Variants in CXADR observed in about 807,000 individuals in gnomAD.
The protein encoded by CXADR is coxsackievirus and adenovirus receptor.
CXADR carries 20 observed loss-of-function variants against 40.3 expected under a neutral mutation model. The observed-to-expected ratio is 0.50, with a 90% CI of 0.35 to 0.72. CXADR has a LOEUF of 0.72. CXADR is among the 30% of genes least tolerant of loss of function. CXADR has a pLI of 0.01. For missense variants in CXADR, 332 were observed against 449.1 expected (o/e 0.74, Z 2.36); for synonymous variants, 150 against 161.3 (o/e 0.93, Z 0.53).
intron 3 of CXADR, among the ~76,000 whole-genome samples, chr21:17,553,455 TGTG>T (rs2060995063): frequency 6.6e-6 from 1 of 152,172 alleles, no homozygotes; most frequent in African/African-American, 2.4e-5. Flanking sequence ...AAATGTTTCT[TGTG>T]GTGTGAAAGT....
chr21:17,594,228 A>G (rs200170210), downstream of CXADR: 53 of 1,613,396 alleles, frequency 3.3e-5, no homozygotes, highest in East Asian at 1.2e-3. Flanking sequence ...CAAATGGAAC[A>G]GGAGGAGGAT....
Position 17,568,786 on chromosome 21 carries a change from T to A in CXADR, c.*3094T>A. ...ATTCCCTTGTTAGAGAGCCTCTCAC[T>A]CCCCCACCCCCAAAAATGTCTACTA... On this transcript the variant is annotated 3_prime_UTR_variant, in exon 7 of 7. Transcript: ENST00000284878. The A allele has an allele frequency of 1.0e-6, 1 of 985,132 alleles. No homozygotes were observed. Among genetic ancestry groups the A allele is most frequent in the Non-Finnish European group, 1.2e-6 (1 of 829,892 alleles). The allele number at this position is 985,132 out of a possible 1,614,324, so 61.0% of individuals were successfully genotyped here. A position where few individuals can be genotyped will look rare whatever the true frequency, so the allele number is the denominator to read the frequency against.
rs1400923492 is a variant in CXADR at position 17,551,771 on chromosome 21, A to G, written c.233A>G (p.Lys78Arg). ...TAGATTATTTTATATTCTGGAGACA[A>G]AATTTATGATGACTACTATCCAGAT... ...DQVIILYSGDKIYDDYYPDLK... is the reference protein window; with the variant it reads ...DQVIILYSGDRIYDDYYPDLK... Residue 78 changes from lysine (K) to arginine (R), a missense_variant, in exon 3 of 7, where the codon AAA (lysine) becomes AGA (arginine). By Grantham distance (26) the Lys-to-Arg change is conservative. Transcript: ENST00000284878. 1 of 1,612,418 alleles carries G rather than the reference A, an allele frequency of 6.2e-7. No homozygotes were observed. Among genetic ancestry groups the G allele is most frequent in the African/African-American group, 1.3e-5 (1 of 74,888 alleles).
chr21:17,520,785 G>A (rs1056793412), intron 1 of CXADR, among the ~76,000 whole-genome samples: 1 of 152,182 alleles, frequency 6.6e-6, no homozygotes, highest in Admixed American at 6.5e-5. Context: ...CTGATGTCTG[G>A]TTGCTTGAAT....
At chr21:17,579,604 T>C (rs211962) in intron 7 of CXADR, among the ~76,000 whole-genome samples, 84,453 of 151,998 alleles carry the variant, frequency 0.56, 24,677 homozygotes, top group African/African-American at 0.74. Context: ...TTCTTTATGA[T>C]GTATAGGTGA....
Position 17,592,549 on chromosome 21 carries a change from C to T in CXADR, c.1018-603C>T, listed in dbSNP as rs534792357. On this transcript the variant is annotated intron_variant, in intron 7 of 7. Coordinates refer to the CXADR transcript ENST00000400169. Reference sequence around the variant, plus strand: ...TACTTGAAACTTTCCAACTTTACGCCAATCACCTACAAATCTGTCATTATC... The same window carrying T: ...TACTTGAAACTTTCCAACTTTACGCTAATCACCTACAAATCTGTCATTATC... 8.4e-4 allele frequency among the ~76,000 whole-genome samples: 127 copies of T among 151,946 alleles called. 1 individual carries two copies. The highest frequency in any genetic ancestry group is 1.4e-3 in the Non-Finnish European group (95 of 67,858).
chr21:17,534,117 T>TA (rs1183364706), intron 1 of CXADR, among the ~76,000 whole-genome samples: 1 of 127,472 alleles, frequency 7.8e-6, no homozygotes, highest in African/African-American at 3.0e-5. Context: ...TTTTTTTTTT[T>TA]TTTTTTTTGA....
chr21:17,529,241 C>G (rs1020175743), intron 1 of CXADR, among the ~76,000 whole-genome samples: 1 of 151,970 alleles, frequency 6.6e-6, no homozygotes, highest in African/African-American at 2.4e-5. Context: ...CCATGTTGGT[C>G]AGGCTGGTGT....
At chr21:17,591,132 A>G (rs1450759669) in intron 7 of CXADR, among the ~76,000 whole-genome samples, 3 of 152,044 alleles carry the variant, frequency 2.0e-5, no homozygotes, top group South Asian at 2.1e-4. Context: ...AGGTAACAAA[A>G]TGAATCTGAT....
At chr21:17,577,473 A>ATATTT (rs1280192473) in intron 7 of CXADR, among the ~76,000 whole-genome samples, 1 of 152,054 alleles carries the variant, frequency 6.6e-6, no homozygotes, top group African/African-American at 2.4e-5. Context: ...TTTATGTCAT[A>ATATTT]TGTAATGTTG....
chr21:17,623,200 C>G, the CXADR span, among the ~76,000 whole-genome samples: 1 of 152,108 alleles, frequency 6.6e-6, no homozygotes, highest in Non-Finnish European at 1.5e-5. Flanking sequence ...CTTGGCCTCT[C>G]AAAGTACTGA....
chr21:17,612,029 G>C, the CXADR span: 1 of 152,362 alleles, frequency 6.6e-6, no homozygotes, highest in Non-Finnish European at 1.5e-5. Context: ...GCTAAGAGTT[G>C]GACTTTCTGA....
chr21:17,634,963 AT>A, the CXADR span, among the ~76,000 whole-genome samples: 2 of 152,196 alleles, frequency 1.3e-5, no homozygotes, highest in East Asian at 1.9e-4. Context: ...GGGGAAGACC[AT>A]TTTAGAACCT....
chr21:17,594,632 C>T (rs2061480839), downstream of CXADR, among the ~76,000 whole-genome samples: 1 of 152,082 alleles, frequency 6.6e-6, no homozygotes, highest in Non-Finnish European at 1.5e-5. Context: ...TAAGGACATG[C>T]TTGTTTTAGT....
At chr21:17,619,284 T>G in the CXADR span, among the ~76,000 whole-genome samples, 1 of 151,998 alleles carries the variant, frequency 6.6e-6, no homozygotes, top group Non-Finnish European at 1.5e-5. Context: ...CTTTGGAAAG[T>G]TGAGGTGGGT....
intron 7 of CXADR, among the ~76,000 whole-genome samples, chr21:17,581,946 T>TTTG (rs200729402): frequency 0.089 from 12,735 of 143,464 alleles, 632 homozygotes; most frequent in African/African-American, 0.13. Context: ...TGTTTGTTTG[T>TTTG]TTTGTTTGTT....
chr21:17,555,998 G>A (rs1239227238), intron 3 of CXADR, among the ~76,000 whole-genome samples: 1 of 152,142 alleles, frequency 6.6e-6, no homozygotes, highest in Non-Finnish European at 1.5e-5. Context: ...GATGATGAAG[G>A]AATACGTGTA....
exon 8 of CXADR, chr21:17,593,257 G>C: frequency 2.3e-6 from 3 of 1,317,442 alleles, no homozygotes; most frequent in Non-Finnish European, 3.0e-6. Flanking sequence ...CTCTAGTAAA[G>C]ACTTAAATGT....
chr21:17,552,752 G>T (rs972983183), intron 3 of CXADR, among the ~76,000 whole-genome samples: 6 of 152,160 alleles, frequency 3.9e-5, no homozygotes, highest in African/African-American at 1.4e-4. Context: ...GACACTTGGG[G>T]ATTGACTTTC....
Sources: gnomAD v4.1 joint callset for allele counts (sites outside exome capture counted in the v4.1 genomes callset) on GRCh38, gnomAD v4.1.1 for gene constraint, MANE v1.5 for transcripts, NCBI Gene and HGNC (gene_info 2026-07-23, HGNC 2026-07-21) for gene names.